The following AGAP1 variants were observed in gnomAD, a reference collection of about 807,000 sequenced individuals.
AGAP1 encodes arf-GAP with GTPase, ANK repeat and PH domain-containing protein 1.
In AGAP1, 29 loss-of-function variants were observed where a neutral mutation model predicts 105.3. That is an observed-to-expected ratio of 0.28 (90% confidence interval 0.21 to 0.38). AGAP1 has a LOEUF of 0.38. Ranked by LOEUF, AGAP1 falls within the 10% of genes least tolerant of loss-of-function variation. AGAP1 has a pLI of 1.00. For synonymous variants in AGAP1, 509 were observed against 485.9 expected, an observed-to-expected ratio of 1.05 and a Z score of -0.63; for missense variants, 998 against 1,165.1, an observed-to-expected ratio of 0.86 and a Z score of 2.09.
intron 9 of AGAP1, among the ~76,000 whole-genome samples, chr2:235,848,628 T>C (rs1272976129): frequency 1.3e-5 from 2 of 152,228 alleles, no homozygotes; most frequent in Admixed American, 1.3e-4. Context: ...AGGTACTATT[T>C]TCAGAGTACT....
chr2:236,094,778 C>G (rs73127528), intron 16 of AGAP1, among the ~76,000 whole-genome samples: 1 of 151,812 alleles, frequency 6.6e-6, no homozygotes, highest in African/African-American at 2.4e-5. Flanking sequence ...ATGAAAAAGC[C>G]TGGCACAGAA....
chr2:235,755,590 G>A lies in AGAP1; in HGVS notation c.673+5102G>A, dbSNP rs193053589. On this transcript the variant is annotated intron_variant, in intron 6 of 17. Transcript: ENST00000304032. ...TGAGTAGCTGGGATTACAGGTGTGC[G>A]CCATCATGCCCAGCTACTTTTTGGC... Among the ~76,000 whole-genome samples, 913 of 152,256 alleles carry A rather than the reference G, an allele frequency of 6.0e-3. 15 individuals carry two copies. The highest frequency in any genetic ancestry group is 0.021 in the African/African-American group (867 of 41,542).
At chr2:235,945,833 C>G (rs968709851) in intron 12 of AGAP1, among the ~76,000 whole-genome samples, 1 of 143,928 alleles carries the variant, frequency 6.9e-6, no homozygotes, top group Non-Finnish European at 1.5e-5. Context: ...GGGGGTGCCT[C>G]GGGAAACTTA....
intron 1 of AGAP1, among the ~76,000 whole-genome samples, chr2:235,598,535 A>G (rs1945620229): frequency 6.6e-6 from 1 of 152,312 alleles, no homozygotes; most frequent in Admixed American, 6.5e-5. Context: ...CCAGGAACCT[A>G]TTGGTGATGT....
In AGAP1 at chr2:235,612,580, G is replaced by T. The variant is rs1946164992; in HGVS notation, c.164-96599G>T. On this transcript the variant is annotated intron_variant, in intron 1 of 17. Coordinates refer to ENST00000304032, the MANE Select transcript of AGAP1 (RefSeq NM_001037131.3). The surrounding 1 kb of genome is among the most constrained non-coding windows in gnomAD (Gnocchi z 4.3). ...AGGGAAAAGAACGTGACTGTGTGGG[G>T]GTCTCCCTGACTCCTTAGAACCTGC... is the stretch of plus-strand genomic sequence containing the variant. 1.3e-5 allele frequency among the ~76,000 whole-genome samples: 2 copies of T among 152,150 alleles called. No homozygotes were observed. The highest frequency in any genetic ancestry group is 4.1e-4 in the South Asian group (2 of 4,820).
rs372848849 is a variant in AGAP1 at position 236,027,957 on chromosome 2, G to A, written c.1646-8604G>A. ...CAGAGCTGTTGGTCCCGGGGATTGC[G>A]ATTCGTGTCTTTATTTCTTCATTAT... On this transcript the variant is annotated intron_variant, in intron 13 of 17. Coordinates refer to ENST00000304032, the MANE Select transcript of AGAP1 (RefSeq NM_001037131.3). This position sits in a 1 kb window ranked among gnomAD's most constrained non-coding sequence, Gnocchi z 4.4. Among the ~76,000 whole-genome samples, 12 of 152,246 alleles carry A rather than the reference G, an allele frequency of 7.9e-5. No homozygotes were observed. The highest frequency in any genetic ancestry group is 3.9e-4 in the East Asian group (2 of 5,170).
chr2:236,067,474 CAT>C (rs1055416200), intron 16 of AGAP1, among the ~76,000 whole-genome samples: 4 of 152,174 alleles, frequency 2.6e-5, no homozygotes, highest in African/African-American at 9.7e-5. Context: ...GTCTACCTGT[CAT>C]ATTTGCTATA....
At chr2:235,585,441 CTCAAAATCTT>C (rs1261273490) in intron 1 of AGAP1, among the ~76,000 whole-genome samples, 5 of 152,216 alleles carry the variant, frequency 3.3e-5, no homozygotes, top group African/African-American at 1.2e-4. Context: ...AAACCCCCAT[CTCAAAATCTT>C]TCACCTCTTC....
At chr2:235,819,685 C>T (rs892152986) in intron 9 of AGAP1, among the ~76,000 whole-genome samples, 3 of 152,046 alleles carry the variant, frequency 2.0e-5, no homozygotes, top group African/African-American at 4.8e-5. Context: ...CCCGTCCGAT[C>T]TTGGGATCTT....
At chr2:235,597,622 C>T (rs1945568628) in intron 1 of AGAP1, among the ~76,000 whole-genome samples, 2 of 152,220 alleles carry the variant, frequency 1.3e-5, no homozygotes, top group African/African-American at 4.8e-5. Context: ...ATGTGCAGCA[C>T]GCCCTCGAAT....
intron 16 of AGAP1, among the ~76,000 whole-genome samples, chr2:236,108,186 G>A (rs2059548694): frequency 6.6e-6 from 1 of 152,216 alleles, no homozygotes; most frequent in Admixed American, 6.5e-5. Context: ...ATGCAAGGGG[G>A]AGGCAGCTGT....
Position 235,887,307 on chromosome 2 carries a change from G to T in AGAP1, c.1155+3858G>T, listed in dbSNP as rs1310084195. On this transcript the variant is annotated intron_variant, in intron 10 of 17. Transcript: ENST00000304032. This position sits in a 1 kb window ranked among gnomAD's most constrained non-coding sequence, Gnocchi z 4.1. ...GTGTTTGGGTTTCAGAGTCATTATT[G>T]TTGCTCCTAACTCTATTACTGACCA... 3.3e-5 allele frequency among the ~76,000 whole-genome samples: 5 copies of T among 152,096 alleles called. No individual in the cohort carries two copies. The highest frequency in any genetic ancestry group is 1.2e-4 in the African/African-American group (5 of 41,404).
chr2:235,812,092 G>A (rs1415013160), intron 9 of AGAP1, among the ~76,000 whole-genome samples: 2 of 152,164 alleles, frequency 1.3e-5, no homozygotes, highest in African/African-American at 4.8e-5. Flanking sequence ...GGCGCTGCGG[G>A]GGACCCTCCA....
intron 1 of AGAP1, among the ~76,000 whole-genome samples, chr2:235,496,814 G>GCCTA (rs1941339807): frequency 6.6e-6 from 1 of 151,948 alleles, no homozygotes; most frequent in South Asian, 2.1e-4. Flanking sequence ...ACAGCACGAT[G>GCCTA]CCTACCTTTG....
chr2:235,947,941 G>A (rs2125247662), intron 12 of AGAP1, among the ~76,000 whole-genome samples: 1 of 152,342 alleles, frequency 6.6e-6, no homozygotes, highest in Admixed American at 6.5e-5. Flanking sequence ...GCAAGAGTGT[G>A]CAGGTGATGA....
intron 1 of AGAP1, among the ~76,000 whole-genome samples, chr2:235,526,924 A>G (rs1430099148): frequency 6.6e-6 from 1 of 152,198 alleles, no homozygotes; most frequent in African/African-American, 2.4e-5. Context: ...TGGAACAGAT[A>G]TGGTGGTTTT....
At position 236,114,337 on chromosome 2, in the gene AGAP1, G is replaced by T. The variant is rs1171413565; in HGVS notation, c.2115-5855G>T. ...GACATCATGGCTTCTTAGGGCAAAT[G>T]CCTCTAGACGGAATAGTCTCATCGA... is the stretch of plus-strand genomic sequence containing the variant. On this transcript the variant is annotated intron_variant, in intron 16 of 17. Transcript: ENST00000304032. This position sits in a 1 kb window ranked among gnomAD's most constrained non-coding sequence, Gnocchi z 5.0. Among the ~76,000 whole-genome samples, 1 of 152,204 alleles carries T rather than the reference G, an allele frequency of 6.6e-6. No homozygotes were observed. The highest frequency in any genetic ancestry group is 1.9e-4 in the East Asian group (1 of 5,194).
At chr2:235,999,150 A>AGGTGGT (rs530380427) in intron 13 of AGAP1, among the ~76,000 whole-genome samples, 1 of 118,094 alleles carries the variant, frequency 8.5e-6, no homozygotes, top group East Asian at 2.7e-4. Flanking sequence ...CGATGGTGAG[A>AGGTGGT]GGTGGTGGTG....
chr2:236,120,549 G>T lies in AGAP1; in HGVS notation c.2370+102G>T. 3.2e-6 allele frequency: 5 copies of T among 1,546,340 alleles called. No homozygotes were observed. Among genetic ancestry groups the T allele is most frequent in the South Asian group, 1.2e-5 (1 of 80,432 alleles). On this transcript the variant is annotated intron_variant, in intron 17 of 17. Transcript: ENST00000304032. The surrounding 1 kb of genome is among the most constrained non-coding windows in gnomAD (Gnocchi z 6.0). Reference sequence around the variant, plus strand: ...TTTCTGGCAGAAGGCTGTTGTTCTCGATCTGCAAGTGGAAACAGTTCCTAA... The same window carrying T: ...TTTCTGGCAGAAGGCTGTTGTTCTCTATCTGCAAGTGGAAACAGTTCCTAA...
Sources: allele counts gnomAD v4.1 joint callset (sites outside exome capture counted in the v4.1 genomes callset), GRCh38; gene constraint gnomAD v4.1.1; non-coding constraint Gnocchi (gnomAD v3.1); transcripts MANE v1.5; gene names NCBI Gene and HGNC (gene_info 2026-07-23, HGNC 2026-07-21).